Variants in IL17REL observed in about 807,000 individuals in gnomAD.
The protein encoded by IL17REL is interleukin-17 receptor E-like protein.
In IL17REL, 36 loss-of-function variants were observed where a neutral mutation model predicts 49.0. The observed-to-expected ratio is 0.73, with a 90% CI of 0.56 to 0.97. The LOEUF is 0.97. IL17REL is among the 50% of genes least tolerant of loss of function. The pLI, the probability that IL17REL is intolerant of heterozygous loss-of-function variation, is 0.00. For synonymous variants in IL17REL, 206 were observed against 192.4 expected (o/e 1.07, Z -0.58); for missense variants, 470 against 453.9 (o/e 1.04, Z -0.32).
intron 1 of IL17REL, among the ~76,000 whole-genome samples, chr22:50,001,471 G>T (rs1371679832): frequency 6.6e-6 from 1 of 152,182 alleles, no homozygotes; most frequent in Non-Finnish European, 1.5e-5. Context: ...GGGGCAGGCT[G>T]CACACCAGTC....
chr22:49,994,175 C>G (rs137841), downstream of IL17REL, among the ~76,000 whole-genome samples: 1 of 152,042 alleles, frequency 6.6e-6, no homozygotes, highest in Non-Finnish European at 1.5e-5. Context: ...TCCATGCCCC[C>G]CACTGGCCTC....
chr22:49,998,169 G>A (rs1377749098), exon 8 of IL17REL: 5 of 1,609,976 alleles, frequency 3.1e-6, no homozygotes, highest in Non-Finnish European at 4.2e-6. Flanking sequence ...GATTGCTGCA[G>A]CTTACGGCAG....
Position 49,997,214 on chromosome 22 carries a change from G to A in IL17REL, c.974+106C>T, listed in dbSNP as rs2061040880. 2.8e-6 allele frequency: 4 copies of A among 1,413,898 alleles called. No homozygotes were observed. In the South Asian group the frequency reaches 3.7e-5, roughly 13 times the overall value. 87.6% of individuals were successfully genotyped at this position (1,413,898 alleles called of 1,614,324 possible). A position where few individuals can be genotyped will look rare whatever the true frequency, so the allele number is the denominator to read the frequency against. On this transcript the variant is annotated intron_variant, in intron 11 of 12. Coordinates refer to ENST00000341280, the Ensembl canonical transcript of IL17REL. ...CCCTGCCAGGTAGACTAGACCCTGG[G>A]TGGGCTCAGGGCCCGGGTGGGGCAG... is the stretch of plus-strand genomic sequence containing the variant.
intron 7 of IL17REL, among the ~76,000 whole-genome samples, 189 bp downstream of exon 9, chr22:49,999,098 GCACA>G (rs144306366): frequency 6.6e-6 from 1 of 151,410 alleles, no homozygotes; most frequent in Non-Finnish European, 1.5e-5. Flanking sequence ...CATGTACATT[GCACA>G]CACACACACA....
At chr22:50,009,768 G>A (rs373791385), upstream of IL17REL, among the ~76,000 whole-genome samples, 14 of 152,334 alleles carry the variant, frequency 9.2e-5, no homozygotes, top group East Asian at 1.7e-3. Context: ...GGGCATTACC[G>A]GTGGCTACAC....
intron 10 of IL17REL, 55 bp downstream of exon 12, chr22:49,997,630 T>C (rs2061045072): frequency 4.6e-6 from 7 of 1,529,930 alleles, no homozygotes; most frequent in Non-Finnish European, 6.3e-6. Flanking sequence ...CACAGAGTGA[T>C]ATAAAGGATG....
At chr22:50,000,119 G>A (rs1601887667) in intron 4 of IL17REL, 77 bp downstream of exon 6, 5 of 910,184 alleles carry the variant, frequency 5.5e-6, no homozygotes, top group Non-Finnish European at 7.8e-6. Context: ...TCCCAAATGG[G>A]GCAGAAGACC....
intron 5 of IL17REL, 72 bp from the exon 8 acceptor site, chr22:49,999,574 A>G (rs1430285714): frequency 2.2e-6 from 2 of 921,732 alleles, no homozygotes; most frequent in African/African-American, 1.8e-5. Context: ...CGGGACCTGC[A>G]CCGAACGGGG....
At chr22:49,999,180 T>C in intron 7 of IL17REL, 111 bp downstream of exon 9, 1 of 1,317,254 alleles carries the variant, frequency 7.6e-7, no homozygotes, top group Non-Finnish European at 1.1e-6. Flanking sequence ...GCTCAGGGAT[T>C]TAGGCTGGGC....
At chr22:50,003,988 G>T (rs1234086397) in intron 1 of IL17REL, among the ~76,000 whole-genome samples, 2 of 152,190 alleles carry the variant, frequency 1.3e-5, no homozygotes, top group African/African-American at 4.8e-5. Flanking sequence ...TACAAAAAAG[G>T]CACTGAAACT....
At chr22:50,003,065 G>A (rs914140130) in intron 1 of IL17REL, among the ~76,000 whole-genome samples, 2 of 152,210 alleles carry the variant, frequency 1.3e-5, no homozygotes, top group African/African-American at 4.8e-5. Context: ...CCTGAGAGGA[G>A]AAACTGGGAT....
intron 11 of IL17REL, 25 bp downstream of exon 13, chr22:49,997,295 A>G: frequency 6.2e-7 from 1 of 1,606,100 alleles, no homozygotes; most frequent in Non-Finnish European, 8.5e-7. Flanking sequence ...CCTCCCCAGG[A>G]TGGAGCCCCA....
intron 1 of IL17REL, among the ~76,000 whole-genome samples, chr22:50,004,638 A>G (rs2146754647): frequency 6.6e-6 from 1 of 152,062 alleles, no homozygotes; most frequent in South Asian, 2.1e-4. Flanking sequence ...AGGAGGGCAG[A>G]TCACCAGAGG....
chr22:50,003,731 A>C (rs2061091858), intron 1 of IL17REL, among the ~76,000 whole-genome samples: 1 of 152,208 alleles, frequency 6.6e-6, no homozygotes, highest in East Asian at 1.9e-4. Context: ...CAAATTGATA[A>C]AGATGATCTG....
Position 49,999,723 on chromosome 22 carries a change from G to T in IL17REL, c.474+105C>A, listed in dbSNP as rs1318703081. 6.3e-6 allele frequency: 4 copies of T among 632,656 alleles called. 1 individual carries two copies. Among genetic ancestry groups the T allele is most frequent in the Non-Finnish European group, 4.0e-6 (2 of 501,786 alleles). The allele number at this position is 632,656 out of a possible 1,614,324, so 39.2% of individuals were successfully genotyped here. On this transcript the variant is annotated intron_variant, in intron 5 of 12. Coordinates refer to ENST00000341280, the Ensembl canonical transcript of IL17REL. ...GCCTGGCCGGGGGCGGGGCGCGGGGGGTGGGCGGGGCGCGGGGTGGGCGGG... is the reference window on the plus strand; with the variant it reads ...GCCTGGCCGGGGGCGGGGCGCGGGGTGTGGGCGGGGCGCGGGGTGGGCGGG...
rs376018370 is a variant in IL17REL, at chr22:50,003,394, G to A, written c.-41-2163C>T. 6.6e-5 allele frequency among the ~76,000 whole-genome samples: 10 copies of A among 151,996 alleles called. No homozygotes were observed. In the East Asian group the frequency reaches 1.2e-3, roughly 18 times the overall value. On this transcript the variant is annotated intron_variant, in intron 1 of 12. Transcript: ENST00000341280. The stretch of plus-strand genomic sequence containing the variant: ...AAATTAGCCAGATGTGGTGGCTCAC[G>A]CCTGTAATCCCAGCTACTCAGGAAG...
In IL17REL at chr22:49,999,720, GGGGGTGGGCGGGGCGC is replaced by G. The variant is rs1244342039; in HGVS notation, c.474+92_474+107del. ...TAGGCCTGGCCGGGGGCGGGGCGCGGGGGGTGGGCGGGGCGCGGGGTGGGCGGGGCCTAAGGCTGAC... is the reference window on the plus strand; with the variant it reads ...TAGGCCTGGCCGGGGGCGGGGCGCGGGGGGTGGGCGGGGCCTAAGGCTGAC... On this transcript the variant is annotated intron_variant, in intron 5 of 12. Coordinates refer to ENST00000341280, the Ensembl canonical transcript of IL17REL. The G allele has an allele frequency of 1.1e-4, 65 of 573,624 alleles. 1 individual carries two copies. The highest frequency in any genetic ancestry group is 4.3e-4 in the Admixed American group (3 of 6,998). 35.5% of individuals were successfully genotyped at this position (573,624 alleles called of 1,614,324 possible). A position where few individuals can be genotyped will look rare whatever the true frequency, so the allele number is the denominator to read the frequency against.
chr22:50,006,085 G>C (rs868466743), intron 1 of IL17REL, among the ~76,000 whole-genome samples: 1 of 152,098 alleles, frequency 6.6e-6, no homozygotes, highest in African/African-American at 2.4e-5. Context: ...AACCCAGTGG[G>C]AGCTGAGGGC....
At chr22:49,997,346 G>A in exon 11 of IL17REL, 3 of 1,613,824 alleles carry the variant, frequency 1.9e-6, no homozygotes, top group Non-Finnish European at 2.5e-6. Flanking sequence ...GGGCTGGCCT[G>A]GAGTGTGCGT....
Sources: gnomAD v4.1 joint callset for allele counts (sites outside exome capture counted in the v4.1 genomes callset) on GRCh38, gnomAD v4.1.1 for gene constraint, MANE v1.5 for transcripts, NCBI Gene and HGNC (gene_info 2026-07-23, HGNC 2026-07-21) for gene names.